Variants in HIBCH observed in about 807,000 individuals in gnomAD.
The protein encoded by HIBCH is 3-hydroxyisobutyryl-CoA hydrolase.
Under a neutral mutation model 58.2 loss-of-function variants are expected in HIBCH, and 50 were observed. The ratio of observed to expected loss-of-function variants is 0.86; its 90% CI spans 0.68 to 1.09. The LOEUF is 1.09. Ranked by LOEUF, HIBCH falls within the 50% of genes least tolerant of loss-of-function variation. HIBCH has a pLI of 0.00. For missense variants in HIBCH, 450 were observed against 449.7 expected (o/e 1.00, Z -0.01); for synonymous variants, 151 against 146.9 (o/e 1.03, Z -0.20).
rs750514700 is a variant in HIBCH at position 190,287,585 on chromosome 2, C to T, written c.438+1G>A. 2 of 1,597,788 alleles carry T rather than the reference C, an allele frequency of 1.3e-6. No homozygotes were observed. Among genetic ancestry groups the T allele is most frequent in the South Asian group, 2.2e-5 (2 of 90,674 alleles). On this transcript the variant is annotated splice_donor_variant, in intron 6 of 13. Transcript: ENST00000359678. LOFTEE classifies it high-confidence loss of function. ...ATGATCAGAGTAAAAAGTCTACTTACCCCACCCATTGTAATTCCATGAATA... is the reference window on the plus strand; with the variant it reads ...ATGATCAGAGTAAAAAGTCTACTTATCCCACCCATTGTAATTCCATGAATA...
chr2:190,246,590 C>G (rs948874884), intron 9 of HIBCH, among the ~76,000 whole-genome samples: 1 of 152,242 alleles, frequency 6.6e-6, no homozygotes, highest in Non-Finnish European at 1.5e-5. Flanking sequence ...ATGCCTGCAG[C>G]TGTGACCTTC....
Position 190,315,880 on chromosome 2 carries a change from G to C in HIBCH, c.35+3836C>G, listed in dbSNP as rs1170602450. 6.6e-6 allele frequency among the ~76,000 whole-genome samples: 1 copy of C among 152,162 alleles called. No homozygotes were observed. The highest frequency in any genetic ancestry group is 1.5e-5 in the Non-Finnish European group (1 of 68,038). On this transcript the variant is annotated intron_variant, in intron 1 of 13. Transcript: ENST00000359678. The surrounding 1 kb of genome is among the most constrained non-coding windows in gnomAD (Gnocchi z 5.4). The stretch of plus-strand genomic sequence containing the variant: ...GGGAAAGAAGCTAGCTGGTTTGCAG[G>C]ACGAAATACAAATTCAATTTTTTGA...
At chr2:190,251,823 GCTAT>G (rs1308785362) in intron 8 of HIBCH, among the ~76,000 whole-genome samples, 1 of 152,066 alleles carries the variant, frequency 6.6e-6, no homozygotes, top group East Asian at 1.9e-4. Context: ...AAAATAAAAG[GCTAT>G]CTTTTTATAT....
chr2:190,206,169 A>G lies in HIBCH; in HGVS notation c.1046-937T>C, dbSNP rs1340160769. Among the ~76,000 whole-genome samples, 1 of 152,218 alleles carries G rather than the reference A, an allele frequency of 6.6e-6. No homozygotes were observed. Among genetic ancestry groups the G allele is most frequent in the African/African-American group, 2.4e-5 (1 of 41,450 alleles). On this transcript the variant is annotated intron_variant, in intron 13 of 13. Transcript: ENST00000359678. This position sits in a 1 kb window ranked among gnomAD's most constrained non-coding sequence, Gnocchi z 5.1. ...AGCAGTATGGGAACCAAGGAAGAAG[A>G]CTGCCTTGGTAGGTGGAGGGAAGCT... is the stretch of plus-strand genomic sequence containing the variant.
intron 6 of HIBCH, among the ~76,000 whole-genome samples, chr2:190,267,633 G>A (rs291423): frequency 0.7 from 105,884 of 152,042 alleles, 37,773 homozygotes; most frequent in Non-Finnish European, 0.75. Context: ...AAGTAATTCA[G>A]CTTCATATTT....
rs950352884 is a variant in HIBCH at position 190,311,202 on chromosome 2, T to C, written c.36-406A>G. Among the ~76,000 whole-genome samples, 30 of 152,190 alleles carry C rather than the reference T, an allele frequency of 2.0e-4. 1 individual carries two copies. Among genetic ancestry groups the C allele is most frequent in the South Asian group, 2.1e-4 (1 of 4,830 alleles). ...AGTCTGAAAAGGCTACATACTCTCA[T>C]TTCAACTGTATGATATTCTGAAAAG... On this transcript the variant is annotated intron_variant, in intron 1 of 13. Coordinates refer to ENST00000359678, the MANE Select transcript of HIBCH (RefSeq NM_014362.4).
At position 190,252,362 on chromosome 2, in the gene HIBCH, T is replaced by C. The variant is rs1220447586; in HGVS notation, c.518-55A>G. On this transcript the variant is annotated intron_variant, in intron 7 of 13. Coordinates refer to ENST00000359678, the MANE Select transcript of HIBCH (RefSeq NM_014362.4). ...TGGTGATTCAAATGAAAAAGATAAA[T>C]ATAACCTTTTTGCCGTAGATCACAC... 7.5e-6 allele frequency: 11 copies of C among 1,467,884 alleles called. No individual in the cohort carries two copies. The East Asian group carries it at 2.3e-4, about 31-fold the overall frequency. 90.9% of individuals were successfully genotyped at this position (1,467,884 alleles called of 1,614,324 possible).
chr2:190,309,716 C>T (rs35933403), intron 2 of HIBCH, among the ~76,000 whole-genome samples: 33 of 151,910 alleles, frequency 2.2e-4, no homozygotes, highest in East Asian at 1.9e-4. Flanking sequence ...CCACCATGTC[C>T]GGCTAATTTT....
downstream of HIBCH, chr2:190,201,607 CAA>C (rs1690246005): frequency 6.0e-6 from 1 of 166,986 alleles, no homozygotes; most frequent in African/African-American, 2.4e-5. Context: ...TTGAAACCCA[CAA>C]TCAAATAGAG....
chr2:190,297,469 T>C (rs143114531), intron 2 of HIBCH, among the ~76,000 whole-genome samples: 3 of 152,336 alleles, frequency 2.0e-5, no homozygotes, highest in East Asian at 3.8e-4. Flanking sequence ...AATGTTAAGA[T>C]GTTAAAACAT....
rs926142191 is a variant in HIBCH, at chr2:190,279,243, C to T, written c.438+8343G>A. The stretch of plus-strand genomic sequence containing the variant: ...TCAAACTACTCTACCCTCATGACCC[C>T]ATCACCTCTTGAAGGCCTCACTTCT... On this transcript the variant is annotated intron_variant, in intron 6 of 13. Coordinates refer to ENST00000359678, the MANE Select transcript of HIBCH (RefSeq NM_014362.4). The surrounding 1 kb of genome is among the most constrained non-coding windows in gnomAD (Gnocchi z 4.2). 6.6e-6 allele frequency among the ~76,000 whole-genome samples: 1 copy of T among 152,090 alleles called. No homozygotes were observed. Among genetic ancestry groups the T allele is most frequent in the African/African-American group, 2.4e-5 (1 of 41,386 alleles).
At chr2:190,310,860 A>G in intron 1 of HIBCH, 64 bp from the exon 2 acceptor site, 6 of 1,125,450 alleles carry the variant, frequency 5.3e-6, no homozygotes, top group Non-Finnish European at 6.8e-6. Context: ...GTTGACAAAT[A>G]GTATATCACC....
intron 4 of HIBCH, among the ~76,000 whole-genome samples, chr2:190,293,561 T>C (rs552171237): frequency 6.6e-6 from 1 of 152,104 alleles, no homozygotes; most frequent in Admixed American, 6.6e-5. Context: ...GTAATCAAAG[T>C]TTTCATTAAA....
chr2:190,237,460 G>A (rs1686308725), intron 11 of HIBCH, among the ~76,000 whole-genome samples: 1 of 152,084 alleles, frequency 6.6e-6, no homozygotes, highest in South Asian at 2.1e-4. Flanking sequence ...TAATTAATAT[G>A]CATTCAGCTG....
At chr2:190,256,116 G>A (rs539297215) in intron 7 of HIBCH, among the ~76,000 whole-genome samples, 24 of 152,238 alleles carry the variant, frequency 1.6e-4, no homozygotes, top group Non-Finnish European at 2.8e-4. Flanking sequence ...AACAGCAAGG[G>A]AGACACTGCG....
chr2:190,235,915 T>C (rs910866660), intron 11 of HIBCH, among the ~76,000 whole-genome samples: 1 of 152,244 alleles, frequency 6.6e-6, no homozygotes, highest in South Asian at 2.1e-4. Context: ...GAACAGATAC[T>C]GGATTGTCAT....
intron 5 of HIBCH, 100 bp from the exon 6 acceptor site, chr2:190,287,738 G>A (rs1226089844): frequency 1.2e-6 from 1 of 803,272 alleles, no homozygotes; most frequent in Non-Finnish European, 2.1e-6. Context: ...ATTTTCCCTA[G>A]GAAATTTTAG....
intron 8 of HIBCH, 52 bp from the exon 9 acceptor site, chr2:190,249,778 G>C: frequency 8.9e-7 from 1 of 1,128,546 alleles, no homozygotes; most frequent in South Asian, 1.3e-5. Flanking sequence ...TAGAAACATA[G>C]AAAGCTTTAT....
At chr2:190,233,058 G>C (rs1391388774) in intron 11 of HIBCH, among the ~76,000 whole-genome samples, 1 of 152,062 alleles carries the variant, frequency 6.6e-6, no homozygotes, top group Non-Finnish European at 1.5e-5. Context: ...AGTGATCTTG[G>C]GGACCCTTGA....
Sources: gnomAD v4.1 joint callset for allele counts (sites outside exome capture counted in the v4.1 genomes callset) on GRCh38, gnomAD v4.1.1 for gene constraint, Gnocchi (gnomAD v3.1) non-coding constraint, MANE v1.5 for transcripts, NCBI Gene and HGNC (gene_info 2026-07-23, HGNC 2026-07-21) for gene names.